Variants in COL24A1 observed in about 807,000 individuals in gnomAD.
COL24A1 encodes collagen type XXIV alpha 1 chain, also known as collagen alpha-1(XXIV) chain.
COL24A1 carries 224 observed loss-of-function variants against 253.9 expected under a neutral mutation model. That is an observed-to-expected ratio of 0.88 (90% CI 0.79 to 0.99). The LOEUF (loss-of-function observed/expected upper bound fraction) is 0.99. Ranked by LOEUF, COL24A1 falls within the 50% of genes least tolerant of loss-of-function variation. COL24A1 has a pLI of 0.00. For missense variants in COL24A1, 2,131 were observed against 2,068.5 expected, an observed-to-expected ratio of 1.03 and a Z score of -0.59; for synonymous variants, 685 against 673.7, an observed-to-expected ratio of 1.02 and a Z score of -0.26.
intron 47 of COL24A1, among the ~76,000 whole-genome samples, chr1:85,816,052 G>C (rs1673012719): frequency 6.6e-6 from 1 of 152,056 alleles, no homozygotes; most frequent in Admixed American, 6.6e-5. Flanking sequence ...ATCCAATAAT[G>C]TGGACTTTTC....
intron 55 of COL24A1, among the ~76,000 whole-genome samples, chr1:85,757,434 T>C (rs568227714): frequency 6.6e-6 from 1 of 152,200 alleles, no homozygotes; most frequent in African/African-American, 2.4e-5. Context: ...TTGGCAACAC[T>C]ATGATTTTCT....
In COL24A1 at chr1:85,846,967, T is replaced by C. The variant is rs1570896772; in HGVS notation, c.3462+698A>G. ...AGTGAAAAGTCTAGCACTTGTGACA[T>C]TTAAATGGAGACTACACTAAATGGA... is the stretch of plus-strand genomic sequence containing the variant. On this transcript the variant is annotated intron_variant, in intron 39 of 59. Transcript: ENST00000370571. 2.6e-5 allele frequency among the ~76,000 whole-genome samples: 4 copies of C among 152,180 alleles called. 1 individual carries two copies. The highest frequency in any genetic ancestry group is 2.6e-4 in the Admixed American group (4 of 15,292).
intron 35 of COL24A1, among the ~76,000 whole-genome samples, chr1:85,871,094 C>A (rs939586939): frequency 6.5e-4 from 99 of 152,260 alleles, no homozygotes; most frequent in African/African-American, 2.3e-3. Context: ...ACTAGAAAAT[C>A]TAGAAGAAAT....
chr1:86,155,457 G>A (rs527829413), intron 1 of COL24A1: 4 of 152,988 alleles, frequency 2.6e-5, no homozygotes, highest in Admixed American at 2.6e-4. Flanking sequence ...CCAGGGGCCA[G>A]AAGCAAACTT....
chr1:86,004,496 T>C (rs182004855), intron 19 of COL24A1, among the ~76,000 whole-genome samples: 3 of 152,326 alleles, frequency 2.0e-5, no homozygotes, highest in Admixed American at 6.5e-5. Flanking sequence ...AAAGTTATAA[T>C]TGATGTGCCA....
At chr1:86,107,340 T>C (rs1477942572) in intron 5 of COL24A1, among the ~76,000 whole-genome samples, 2 of 152,196 alleles carry the variant, frequency 1.3e-5, no homozygotes, top group South Asian at 4.1e-4. Context: ...AGAGATATCA[T>C]ACATAAAATA....
intron 47 of COL24A1, among the ~76,000 whole-genome samples, chr1:85,812,098 C>T (rs552894503): frequency 1.0e-4 from 12 of 117,966 alleles, no homozygotes; most frequent in South Asian, 9.3e-4. Flanking sequence ...CAAATGGCTA[C>T]GCTCTCGTTC....
chr1:85,836,575 TG>T (rs1319476200), intron 43 of COL24A1, among the ~76,000 whole-genome samples: 4 of 152,176 alleles, frequency 2.6e-5, no homozygotes, highest in African/African-American at 9.6e-5. Flanking sequence ...AAATCAAACT[TG>T]TGCTAGGAGA....
intron 12 of COL24A1, among the ~76,000 whole-genome samples, chr1:86,046,555 A>T (rs764186462): frequency 2.0e-5 from 3 of 152,188 alleles, no homozygotes; most frequent in African/African-American, 4.8e-5. Context: ...ATTTTCTGTG[A>T]CATTTTAGCT....
chr1:86,025,507 C>T (rs933766934), intron 14 of COL24A1, among the ~76,000 whole-genome samples: 1 of 152,180 alleles, frequency 6.6e-6, no homozygotes, highest in African/African-American at 2.4e-5. Context: ...ACGTGATACA[C>T]ATTGTCACTA....
chr1:86,094,313 T>TA (rs2101991443), intron 5 of COL24A1, among the ~76,000 whole-genome samples: 1 of 152,052 alleles, frequency 6.6e-6, no homozygotes, highest in South Asian at 2.1e-4. Context: ...TATGCAGCCA[T>TA]AAAAAAGAAT....
At chr1:86,124,233 C>G (rs1001203027) in intron 3 of COL24A1, among the ~76,000 whole-genome samples, 23 of 151,138 alleles carry the variant, frequency 1.5e-4, no homozygotes, top group African/African-American at 5.6e-4. Flanking sequence ...TGTTTTTTTC[C>G]CCTCACTGAA....
chr1:85,863,383 TTGTC>T (rs1679390620), intron 37 of COL24A1, among the ~76,000 whole-genome samples: 1 of 152,116 alleles, frequency 6.6e-6, no homozygotes, highest in African/African-American at 2.4e-5. Context: ...GAGGGTATCC[TTGTC>T]TTGTGCCAGT....
At chr1:85,964,861 A>G in intron 23 of COL24A1, 148 bp downstream of exon 23, 1 of 614,748 alleles carries the variant, frequency 1.6e-6, no homozygotes, top group Non-Finnish European at 2.8e-6. Context: ...ATATAAAGAT[A>G]TAGATTCTCA....
At chr1:85,745,121 G>A (rs569245200) in intron 56 of COL24A1, among the ~76,000 whole-genome samples, 8 of 152,074 alleles carry the variant, frequency 5.3e-5, no homozygotes, top group Admixed American at 6.6e-5. Context: ...TTAAATAAAT[G>A]AGTAGTGATA....
At chr1:85,958,618 G>A (rs1690717233) in intron 24 of COL24A1, among the ~76,000 whole-genome samples, 1 of 152,074 alleles carries the variant, frequency 6.6e-6, no homozygotes, top group East Asian at 1.9e-4. Flanking sequence ...AAATATTCTT[G>A]CCTACATTAA....
intron 52 of COL24A1, among the ~76,000 whole-genome samples, chr1:85,776,185 G>T (rs912823210): frequency 6.6e-6 from 1 of 152,004 alleles, no homozygotes; most frequent in African/African-American, 2.4e-5. Context: ...TTGGAGACTT[G>T]CTCTTTGATC....
chr1:85,781,166 A>G lies in COL24A1; in HGVS notation c.4338+54T>C, dbSNP rs313722. On this transcript the variant is annotated intron_variant, in intron 52 of 59. Transcript: ENST00000370571. ...CTAATTCTTTGTAGAATATTCTAGAAATAGAATTAAAGAAAAAAAAGAGTA... is the reference window on the plus strand; with the variant it reads ...CTAATTCTTTGTAGAATATTCTAGAGATAGAATTAAAGAAAAAAAAGAGTA... 51 of 1,260,120 alleles carry G rather than the reference A, an allele frequency of 4.0e-5. 1 individual carries two copies. In the South Asian group the frequency reaches 6.1e-4, roughly 15 times the overall value. The allele number at this position is 1,260,120 out of a possible 1,614,324, so 78.1% of individuals were successfully genotyped here. A position where few individuals can be genotyped will look rare whatever the true frequency, so the allele number is the denominator to read the frequency against.
intron 5 of COL24A1, among the ~76,000 whole-genome samples, chr1:86,104,645 C>T (rs992519640): frequency 6.6e-6 from 1 of 152,170 alleles, no homozygotes; most frequent in African/African-American, 2.4e-5. Context: ...TTTTAAGTGG[C>T]CAAGGCTCAA....
Sources: gnomAD v4.1 joint callset for allele counts (sites outside exome capture counted in the v4.1 genomes callset) on GRCh38, gnomAD v4.1.1 for gene constraint, MANE v1.5 for transcripts, NCBI Gene and HGNC (gene_info 2026-07-23, HGNC 2026-07-21) for gene names.